CACNA2D1: variants seen among roughly 807,000 people sequenced by gnomAD.
CACNA2D1 encodes voltage-dependent calcium channel subunit alpha-2/delta-1.
Under a neutral mutation model 171.5 loss-of-function variants are expected in CACNA2D1, and 53 were observed. The observed-to-expected ratio is 0.31, with a 90% confidence interval of 0.25 to 0.39. The LOEUF (loss-of-function observed/expected upper bound fraction) is 0.39. Among genes scored for constraint, CACNA2D1 ranks in the 10% least tolerant of loss-of-function variants. The pLI, the probability that CACNA2D1 is intolerant of heterozygous loss-of-function variation, is 1.00. For synonymous variants in CACNA2D1, 442 were observed against 443.1 expected (o/e 1.00, Z 0.03); for missense variants, 903 against 1,299.8 (o/e 0.69, Z 4.69).
chr7:82,389,147 T>C (rs2129450339), intron 1 of CACNA2D1, among the ~76,000 whole-genome samples: 1 of 133,392 alleles, frequency 7.5e-6, no homozygotes, highest in Admixed American at 7.5e-5. Flanking sequence ...TATATATATA[T>C]TTATATATAT....
At chr7:82,310,331 T>G (rs1323197861) in intron 3 of CACNA2D1, among the ~76,000 whole-genome samples, 1 of 151,876 alleles carries the variant, frequency 6.6e-6, no homozygotes, top group Non-Finnish European at 1.5e-5. Flanking sequence ...GGTATGAGGA[T>G]GTATGTGTAT....
intron 3 of CACNA2D1, among the ~76,000 whole-genome samples, chr7:82,328,839 T>C (rs950566261): frequency 3.9e-5 from 6 of 152,192 alleles, no homozygotes; most frequent in African/African-American, 1.4e-4. Context: ...CTACAGTCTT[T>C]ATTCTGTTCC....
intron 3 of CACNA2D1, among the ~76,000 whole-genome samples, chr7:82,196,642 G>A (rs1563188292): frequency 2.0e-5 from 3 of 151,986 alleles, no homozygotes; most frequent in South Asian, 2.1e-4. Context: ...AGTTGATGGA[G>A]GGGAGCAAAG....
chr7:82,043,360 TA>T (rs1007067742), intron 10 of CACNA2D1, among the ~76,000 whole-genome samples: 1 of 152,128 alleles, frequency 6.6e-6, no homozygotes, highest in Non-Finnish European at 1.5e-5. Flanking sequence ...ATTATTTTAG[TA>T]AAAAGGATTA....
At chr7:81,956,529 A>C (rs2130088134) in intron 38 of CACNA2D1, among the ~76,000 whole-genome samples, 1 of 152,258 alleles carries the variant, frequency 6.6e-6, no homozygotes, top group African/African-American at 2.4e-5. Context: ...AATTGCCTAT[A>C]TATCAATTTT....
intron 6 of CACNA2D1, among the ~76,000 whole-genome samples, chr7:82,101,701 C>G (rs1274041318): frequency 6.6e-6 from 1 of 152,028 alleles, no homozygotes; most frequent in East Asian, 1.9e-4. Flanking sequence ...TACATAGTTT[C>G]CCATAATGCA....
intron 6 of CACNA2D1, among the ~76,000 whole-genome samples, chr7:82,092,910 CTG>C (rs1331192236): frequency 6.6e-6 from 1 of 151,790 alleles, no homozygotes; most frequent in Admixed American, 6.6e-5. Flanking sequence ...ATCAGAAACT[CTG>C]AGAGCAGAGA....
chr7:82,272,910 A>C (rs540331115), intron 3 of CACNA2D1, among the ~76,000 whole-genome samples: 1 of 152,206 alleles, frequency 6.6e-6, no homozygotes, highest in South Asian at 2.1e-4. Flanking sequence ...GCCACTCCTA[A>C]TTTCCTGACC....
chr7:82,216,760 C>T (rs77243268), intron 3 of CACNA2D1, among the ~76,000 whole-genome samples: 5,690 of 151,778 alleles, frequency 0.037, 359 homozygotes, highest in African/African-American at 0.13. Context: ...AGAGGAAAGA[C>T]CAAAAGGACA....
At chr7:82,136,758 A>G in intron 4 of CACNA2D1, 82 bp from the exon 5 acceptor site, 2 of 907,500 alleles carry the variant, frequency 2.2e-6, no homozygotes, top group East Asian at 2.6e-5. Flanking sequence ...TGCATATTAT[A>G]AAATAAACTC....
chr7:82,116,454 T>C (rs570440636), intron 6 of CACNA2D1, among the ~76,000 whole-genome samples: 46 of 152,308 alleles, frequency 3.0e-4, no homozygotes, highest in African/African-American at 1.0e-3. Context: ...ATATTTCCAG[T>C]CACAGCTTTT....
intron 10 of CACNA2D1, among the ~76,000 whole-genome samples, chr7:82,047,215 T>C (rs186694633): frequency 6.6e-6 from 1 of 152,252 alleles, no homozygotes; most frequent in Admixed American, 6.5e-5. Flanking sequence ...CAGTATTATT[T>C]CCATTACAAA....
intron 7 of CACNA2D1, among the ~76,000 whole-genome samples, chr7:82,084,379 T>A (rs1343431708): frequency 1.3e-5 from 2 of 152,188 alleles, no homozygotes; most frequent in South Asian, 2.1e-4. Context: ...AAACTTTTGT[T>A]ACAAATTTCA....
chr7:81,951,213 T>C (rs1355836871), intron 38 of CACNA2D1, among the ~76,000 whole-genome samples: 1 of 152,124 alleles, frequency 6.6e-6, no homozygotes, highest in Non-Finnish European at 1.5e-5. Flanking sequence ...CACAGTCTAG[T>C]GGTAGCTCAT....
intron 7 of CACNA2D1, among the ~76,000 whole-genome samples, chr7:82,082,936 A>T (rs1338215370): frequency 1.3e-5 from 2 of 152,032 alleles, no homozygotes; most frequent in Non-Finnish European, 2.9e-5. Context: ...CTATTTGTTA[A>T]AAGAGCCATT....
intron 6 of CACNA2D1, among the ~76,000 whole-genome samples, chr7:82,110,947 G>A (rs906914968): frequency 6.6e-6 from 1 of 151,892 alleles, no homozygotes; most frequent in Admixed American, 6.6e-5. Context: ...CCCTCCAATA[G>A]AATGCAGGCT....
intron 18 of CACNA2D1, among the ~76,000 whole-genome samples, chr7:82,000,494 G>A (rs139784038): frequency 6.6e-6 from 1 of 152,260 alleles, no homozygotes; most frequent in African/African-American, 2.4e-5. Flanking sequence ...CAAGAACACA[G>A]TGTTGGCTTT....
chr7:82,418,944 A>C (rs1828444661), intron 1 of CACNA2D1, among the ~76,000 whole-genome samples: 1 of 151,994 alleles, frequency 6.6e-6, no homozygotes, highest in South Asian at 2.1e-4. Flanking sequence ...GTCTCTACTA[A>C]AAATACAAAA....
intron 3 of CACNA2D1, among the ~76,000 whole-genome samples, chr7:82,212,467 G>A (rs974841308): frequency 1.3e-5 from 2 of 152,176 alleles, no homozygotes; most frequent in African/African-American, 4.8e-5. Flanking sequence ...TCATTGACAA[G>A]AAGTATTTCA....
Sources: allele counts gnomAD v4.1 joint callset (sites outside exome capture counted in the v4.1 genomes callset), GRCh38; gene constraint gnomAD v4.1.1; transcripts MANE v1.5; gene names NCBI Gene and HGNC (gene_info 2026-07-23, HGNC 2026-07-21).